Variants in FBXL17 observed in about 807,000 individuals in gnomAD.
FBXL17 encodes F-box/LRR-repeat protein 17.
Under a neutral mutation model 66.2 loss-of-function variants are expected in FBXL17, and 22 were observed. The ratio of observed to expected loss-of-function variants is 0.33; its 90% CI spans 0.24 to 0.47. The LOEUF (loss-of-function observed/expected upper bound fraction) is 0.47. Ranked by LOEUF, FBXL17 falls within the 20% of genes least tolerant of loss-of-function variation. The pLI, the probability that FBXL17 is intolerant of heterozygous loss-of-function variation, is 1.00. For synonymous variants in FBXL17, 474 were observed against 400.5 expected (o/e 1.18, Z -2.19); for missense variants, 878 against 948.2 (o/e 0.93, Z 0.97).
chr5:107,987,445 C>T lies in FBXL17; in HGVS notation c.1822+33480G>A, dbSNP rs77616817. On this transcript the variant is annotated intron_variant, in intron 7 of 8. Transcript: ENST00000542267. ...TTAAGATAATAATAACTATCACTTG[C>T]AGAACGAAACTTGTTGAGCTGGGTG... Among the ~76,000 whole-genome samples the T allele has an allele frequency of 8.5e-5, 13 of 152,098 alleles. 1 individual carries two copies. In the East Asian group the frequency reaches 9.7e-4, roughly 11 times the overall value.
rs201752049 is a variant in FBXL17, at chr5:107,871,057, C to CA, written c.1966-9198dup. On this transcript the variant is annotated intron_variant, in intron 8 of 8. Transcript: ENST00000542267. ...GGTAAGAAATATTACTCTTGGGCGG[C>CA]AAAAAAAAAAAAAAAAAAAAAACCT... Among the ~76,000 whole-genome samples the CA allele has an allele frequency of 5.9e-3, 385 of 65,812 alleles. 13 individuals are homozygous for CA. The highest frequency in any genetic ancestry group is 0.012 in the East Asian group (35 of 2,832). The allele number at this position is 65,812 out of a possible 152,430, so 43.2% of individuals were successfully genotyped here.
At chr5:108,133,096 G>A (rs888402595) in intron 6 of FBXL17, among the ~76,000 whole-genome samples, 3 of 152,206 alleles carry the variant, frequency 2.0e-5, no homozygotes, top group Middle Eastern at 3.4e-3. Flanking sequence ...AGAGGAACAC[G>A]AAGGCAAATA....
chr5:108,334,170 C>A (rs1386706754), intron 4 of FBXL17, among the ~76,000 whole-genome samples: 7 of 152,056 alleles, frequency 4.6e-5, no homozygotes, highest in Non-Finnish European at 2.9e-5. Context: ...TAAATAAACA[C>A]CTAAATTGCC....
chr5:107,969,613 A>G (rs1752292271), intron 7 of FBXL17, among the ~76,000 whole-genome samples: 1 of 152,138 alleles, frequency 6.6e-6, no homozygotes, highest in African/African-American at 2.4e-5. Flanking sequence ...GTGTTCTTCT[A>G]ATTTCCTTCA....
intron 7 of FBXL17, among the ~76,000 whole-genome samples, chr5:107,980,713 G>A (rs1361464307): frequency 8.1e-6 from 1 of 122,924 alleles, no homozygotes; most frequent in African/African-American, 3.4e-5. Flanking sequence ...CTGGAGTGCA[G>A]TGGCGCGATC....
At chr5:108,109,159 G>T (rs570630774) in intron 6 of FBXL17, among the ~76,000 whole-genome samples, 141 of 152,290 alleles carry the variant, frequency 9.3e-4, no homozygotes, top group Non-Finnish European at 1.4e-3. Context: ...TTTACAAAAG[G>T]AAGGACAAAG....
At chr5:107,902,604 A>G (rs556677431) in intron 7 of FBXL17, among the ~76,000 whole-genome samples, 3 of 152,290 alleles carry the variant, frequency 2.0e-5, no homozygotes, top group Non-Finnish European at 2.9e-5. Context: ...TAAGCAAAGC[A>G]TGGGTATCTC....
At chr5:108,331,408 A>G (rs1412899468) in intron 4 of FBXL17, among the ~76,000 whole-genome samples, 1 of 152,232 alleles carries the variant, frequency 6.6e-6, no homozygotes, top group Non-Finnish European at 1.5e-5. Context: ...TACGAGATAA[A>G]TACTAAGCTA....
chr5:108,205,900 C>A (rs1040606478), intron 5 of FBXL17, among the ~76,000 whole-genome samples: 1 of 152,028 alleles, frequency 6.6e-6, no homozygotes, highest in Non-Finnish European at 1.5e-5. Context: ...CCCTGCCTGG[C>A]TAATTTTTGT....
At chr5:108,212,244 AG>A (rs1460728107) in intron 5 of FBXL17, among the ~76,000 whole-genome samples, 1 of 152,138 alleles carries the variant, frequency 6.6e-6, no homozygotes, top group Non-Finnish European at 1.5e-5. Flanking sequence ...CCTTTTTTCA[AG>A]GTTCTTAGCT....
At chr5:108,129,934 T>A (rs1750866676) in intron 6 of FBXL17, among the ~76,000 whole-genome samples, 1 of 50,602 alleles carries the variant, frequency 2.0e-5, no homozygotes, top group African/African-American at 2.1e-4. Context: ...AATAATCTAA[T>A]AAAAAGTGAC....
At chr5:108,334,558 T>A (rs1250801575) in intron 4 of FBXL17, among the ~76,000 whole-genome samples, 2 of 152,148 alleles carry the variant, frequency 1.3e-5, no homozygotes, top group Non-Finnish European at 2.9e-5. Flanking sequence ...TTCTGGTAGG[T>A]AGAGGGTTAG....
intron 4 of FBXL17, among the ~76,000 whole-genome samples, chr5:108,327,200 A>G (rs1333045302): frequency 6.6e-6 from 1 of 152,242 alleles, no homozygotes; most frequent in Non-Finnish European, 1.5e-5. Context: ...GTTGTCAACA[A>G]TCTTTGATCC....
At chr5:107,951,768 T>C (rs761161325) in intron 7 of FBXL17, among the ~76,000 whole-genome samples, 12 of 152,232 alleles carry the variant, frequency 7.9e-5, no homozygotes, top group Non-Finnish European at 1.5e-4. Flanking sequence ...AAATAGTGTA[T>C]TAAAGCATTT....
chr5:108,079,899 C>T (rs1398739945), intron 6 of FBXL17, among the ~76,000 whole-genome samples: 1 of 152,180 alleles, frequency 6.6e-6, no homozygotes, highest in African/African-American at 2.4e-5. Flanking sequence ...ACTGACTTGG[C>T]TTCAAAAATG....
At chr5:108,125,911 T>A (rs894563745) in intron 6 of FBXL17, among the ~76,000 whole-genome samples, 2 of 152,096 alleles carry the variant, frequency 1.3e-5, no homozygotes, top group Non-Finnish European at 2.9e-5. Flanking sequence ...CCTGATAAAG[T>A]AACCAAGTGA....
Position 108,054,790 on chromosome 5 carries a change from C to T in FBXL17, c.1746-33789G>A, listed in dbSNP as rs182314918. On this transcript the variant is annotated intron_variant, in intron 6 of 8. Transcript: ENST00000542267. Reference sequence around the variant, plus strand: ...CTCTAGATTGCCAGCTTATTCACCTCCAAGTTTGGGATATATGAAACAAAA... The same window carrying T: ...CTCTAGATTGCCAGCTTATTCACCTTCAAGTTTGGGATATATGAAACAAAA... Among the ~76,000 whole-genome samples the T allele has an allele frequency of 2.7e-3, 416 of 152,254 alleles. 2 individuals are homozygous for T. The highest frequency in any genetic ancestry group is 6.8e-3 in the Middle Eastern group (2 of 294).
intron 5 of FBXL17, among the ~76,000 whole-genome samples, chr5:108,218,691 A>ATT (rs35729083): frequency 1.3e-5 from 2 of 151,738 alleles, no homozygotes; most frequent in African/African-American, 2.4e-5. Flanking sequence ...GACACTGAGC[A>ATT]TTTTTTTTCA....
chr5:108,119,431 C>T (rs951968865), intron 6 of FBXL17, among the ~76,000 whole-genome samples: 1 of 152,148 alleles, frequency 6.6e-6, no homozygotes, highest in Non-Finnish European at 1.5e-5. Context: ...TGTCAGGTGC[C>T]CAGCCAGCTG....
Sources: allele counts gnomAD v4.1 joint callset (sites outside exome capture counted in the v4.1 genomes callset), GRCh38; gene constraint gnomAD v4.1.1; transcripts MANE v1.5; gene names NCBI Gene and HGNC (gene_info 2026-07-23, HGNC 2026-07-21).